Variants in DCAF8 observed in about 807,000 individuals in gnomAD.
DCAF8 encodes DDB1 and CUL4 associated factor 8, also known as DDB1- and CUL4-associated factor 8.
DCAF8 carries 20 observed loss-of-function variants against 68.0 expected under a neutral mutation model. That is an observed-to-expected ratio of 0.29 (90% confidence interval 0.21 to 0.43). DCAF8 has a LOEUF of 0.43. DCAF8 is among the 20% of genes least tolerant of loss of function. The pLI is 1.00. For missense variants in DCAF8, 460 were observed against 771.0 expected (o/e 0.60, Z 4.78); for synonymous variants, 230 against 276.9 (o/e 0.83, Z 1.68).
chr1:160,222,755 T>G lies in DCAF8; in HGVS notation c.1336A>C (p.Lys446Gln). 6.2e-7 allele frequency: 1 copy of G among 1,614,172 alleles called. No individual in the cohort carries two copies. The highest frequency in any genetic ancestry group is 8.5e-7 in the Non-Finnish European group (1 of 1,180,030). Residue 446 changes from lysine to glutamine, a missense_variant, in exon 11 of 14, where the codon AAG becomes CAG. Physicochemically the swap from Lys to Gln is moderately conservative, Grantham distance 53. Coordinates refer to ENST00000368074, the MANE Select transcript of DCAF8 (RefSeq NM_015726.4). Reference protein sequence around the residue: ...TVKGVNFYGPKSEFVVSGSDC... With the variant: ...TVKGVNFYGPQSEFVVSGSDC... ...CTACCGCTCACCACAAACTCACTCTTGGGGCCATAGAAATTGACGCCTTTT... is the reference window on the plus strand; with the variant it reads ...CTACCGCTCACCACAAACTCACTCTGGGGGCCATAGAAATTGACGCCTTTT...
intron 3 of DCAF8, among the ~76,000 whole-genome samples, chr1:160,242,695 G>A (rs1272538841): frequency 2.0e-5 from 3 of 152,020 alleles, no homozygotes; most frequent in East Asian, 1.9e-4. Flanking sequence ...CAGACCATAC[G>A]GAGCTCCACC....
chr1:160,251,913 C>G (rs16831694), intron 2 of DCAF8, among the ~76,000 whole-genome samples: 2,412 of 152,204 alleles, frequency 0.016, 63 homozygotes, highest in African/African-American at 0.049. Context: ...TGGAGGGGTC[C>G]AACATATGAC....
intron 12 of DCAF8, 49 bp downstream of exon 12, chr1:160,218,800 A>C (rs1444058959): frequency 5.0e-6 from 8 of 1,609,974 alleles, no homozygotes; most frequent in Non-Finnish European, 6.8e-6. Flanking sequence ...AAGAATCAAC[A>C]GTATGTGGAT....
chr1:160,229,251 G>A (rs969198203), intron 7 of DCAF8, among the ~76,000 whole-genome samples: 3 of 151,816 alleles, frequency 2.0e-5, no homozygotes, highest in Non-Finnish European at 4.4e-5. Context: ...AGCCGAGATC[G>A]AGCCACTACA....
intron 7 of DCAF8, 53 bp downstream of exon 7, chr1:160,231,244 A>G: frequency 8.2e-7 from 1 of 1,219,712 alleles, no homozygotes; most frequent in Non-Finnish European, 1.2e-6. Flanking sequence ...CTGGTAGTAT[A>G]CAATGCATCA....
chr1:160,247,555 C>T (rs901443658), intron 2 of DCAF8, among the ~76,000 whole-genome samples: 1 of 152,116 alleles, frequency 6.6e-6, no homozygotes, highest in African/African-American at 2.4e-5. Context: ...ATCCCTTGTC[C>T]GGTGTATCCT....
At chr1:160,226,969 C>A (rs994954217) in intron 7 of DCAF8, among the ~76,000 whole-genome samples, 1 of 152,216 alleles carries the variant, frequency 6.6e-6, no homozygotes, top group Non-Finnish European at 1.5e-5. Flanking sequence ...GGAATTAGAT[C>A]TCCAAGGGAA....
intron 11 of DCAF8, among the ~76,000 whole-genome samples, chr1:160,221,785 A>G (rs1471518394): frequency 1.3e-5 from 2 of 151,268 alleles, no homozygotes; most frequent in African/African-American, 4.9e-5. Context: ...TTGTAACAGA[A>G]AGCGATTGAA....
intron 3 of DCAF8, among the ~76,000 whole-genome samples, chr1:160,240,992 G>A (rs771099714): frequency 2.4e-4 from 36 of 152,122 alleles, no homozygotes; most frequent in Non-Finnish European, 4.6e-4. Flanking sequence ...GTGAAACCCC[G>A]TCTCTACTAA....
At chr1:160,241,521 A>G (rs763961230) in intron 3 of DCAF8, among the ~76,000 whole-genome samples, 2 of 152,218 alleles carry the variant, frequency 1.3e-5, no homozygotes, top group Non-Finnish European at 2.9e-5. Context: ...CTTATCTCCT[A>G]TAACTACATA....
At chr1:160,232,315 T>C (rs1655719693) in intron 6 of DCAF8, among the ~76,000 whole-genome samples, 1 of 151,992 alleles carries the variant, frequency 6.6e-6, no homozygotes, top group Non-Finnish European at 1.5e-5. Flanking sequence ...AAGATCACCC[T>C]GGGCAACATA....
intron 2 of DCAF8, among the ~76,000 whole-genome samples, chr1:160,257,474 T>C (rs911919568): frequency 1.1e-4 from 16 of 152,234 alleles, no homozygotes; most frequent in Non-Finnish European, 2.1e-4. Flanking sequence ...AGTCACTTTA[T>C]GATTTTAAAA....
chr1:160,229,594 C>A (rs1655599521), intron 7 of DCAF8, among the ~76,000 whole-genome samples: 1 of 152,198 alleles, frequency 6.6e-6, no homozygotes. Context: ...GAGACACAGA[C>A]TTTTCAAGTA....
intron 10 of DCAF8, 54 bp downstream of exon 10, chr1:160,224,388 G>T: frequency 7.5e-7 from 1 of 1,325,746 alleles, no homozygotes; most frequent in Non-Finnish European, 1.1e-6. Flanking sequence ...AAGACACTGT[G>T]GTTCTCCAAA....
At chr1:160,253,929 C>G (rs942889831) in intron 2 of DCAF8, among the ~76,000 whole-genome samples, 1 of 152,146 alleles carries the variant, frequency 6.6e-6, no homozygotes, top group Non-Finnish European at 1.5e-5. Context: ...GTCAGAACAG[C>G]TTTTCCCCTG....
intron 2 of DCAF8, among the ~76,000 whole-genome samples, chr1:160,254,798 GA>G (rs766483026): frequency 6.6e-6 from 1 of 151,442 alleles, no homozygotes; most frequent in African/African-American, 2.4e-5. Flanking sequence ...AAAAAAAAAA[GA>G]AAAAAGAAAA....
intron 13 of DCAF8, 104 bp from the exon 14 acceptor site, chr1:160,217,812 A>C: frequency 1.2e-6 from 1 of 846,378 alleles, no homozygotes. Context: ...GATCAGCAGA[A>C]TTTTTCTTAA....
intron 6 of DCAF8, among the ~76,000 whole-genome samples, 186 bp downstream of exon 6, chr1:160,236,949 G>A (rs1450698845): frequency 6.6e-6 from 1 of 152,120 alleles, no homozygotes; most frequent in African/African-American, 2.4e-5. Flanking sequence ...AATGAAGGTA[G>A]ACTGAATAGT....
At chr1:160,225,262 G>T in intron 8 of DCAF8, 143 bp from the exon 9 acceptor site, 1 of 803,810 alleles carries the variant, frequency 1.2e-6, no homozygotes. Flanking sequence ...TACAACTGAT[G>T]AAACATGACC....
Sources: allele counts gnomAD v4.1 joint callset (sites outside exome capture counted in the v4.1 genomes callset), GRCh38; gene constraint gnomAD v4.1.1; transcripts MANE v1.5; gene names NCBI Gene and HGNC (gene_info 2026-07-23, HGNC 2026-07-21).